Variants in DICER1 observed in about 807,000 individuals in gnomAD.
DICER1 encodes the protein endoribonuclease Dicer.
Under a neutral mutation model 194.1 loss-of-function variants are expected in DICER1, and 43 were observed. That is an observed-to-expected ratio of 0.22 (90% CI 0.17 to 0.29). The LOEUF (loss-of-function observed/expected upper bound fraction) is 0.29, where lower values mean the gene tolerates loss of function less well. Ranked by LOEUF, DICER1 falls within the 10% of genes least tolerant of loss-of-function variation. DICER1 has a pLI of 1.00. For synonymous variants in DICER1, 832 were observed against 820.5 expected (o/e 1.01, Z -0.24); for missense variants, 1,608 against 2,317.0 (o/e 0.69, Z 6.28).
intron 8 of DICER1, among the ~76,000 whole-genome samples, chr14:95,119,553 T>C (rs1423260903): frequency 6.6e-6 from 1 of 152,136 alleles, no homozygotes; most frequent in Non-Finnish European, 1.5e-5. Flanking sequence ...GCTTAAAGAG[T>C]TTGTAACACC....
In DICER1 at chr14:95,107,680, C is replaced by G; in HGVS notation, c.2732G>C (p.Ser911Thr). Reference sequence around the variant, plus strand: ...GGGTGTTTCTTTTGTATACTTTGTACTGGGAATGCCTATGCGAGCTTCAGA... The same window carrying G: ...GGGTGTTTCTTTTGTATACTTTGTAGTGGGAATGCCTATGCGAGCTTCAGA... ...EKSEARIGIP[S>T]TKYTKETPFV... Residue 911 changes from serine (S) to threonine (T), a missense_variant, in exon 17 of 27, where the codon AGT becomes ACT. By Grantham distance (58) the Ser-to-Thr change is moderately conservative. Coordinates refer to ENST00000343455, the MANE Select transcript of DICER1 (RefSeq NM_177438.3). 1 of 1,612,684 alleles carries G rather than the reference C, an allele frequency of 6.2e-7. No individual in the cohort carries two copies. The highest frequency in any genetic ancestry group is 2.2e-5 in the East Asian group (1 of 44,826).
chr14:95,153,962 G>A (rs774796640), intron 1 of DICER1, among the ~76,000 whole-genome samples: 2 of 152,184 alleles, frequency 1.3e-5, no homozygotes, highest in Non-Finnish European at 2.9e-5. Flanking sequence ...GAATAAGAGC[G>A]AGTATAATAC....
chr14:95,146,966 G>T (rs1895177077), intron 1 of DICER1, among the ~76,000 whole-genome samples: 1 of 152,148 alleles, frequency 6.6e-6, no homozygotes, highest in Non-Finnish European at 1.5e-5. Flanking sequence ...GGAAAAGGAA[G>T]AGAGGAAGGA....
chr14:95,146,460 A>T (rs1050128860), intron 1 of DICER1, among the ~76,000 whole-genome samples: 35 of 152,140 alleles, frequency 2.3e-4, no homozygotes, highest in Non-Finnish European at 5.1e-4. Context: ...ACCCAGCCAC[A>T]CTGGGGGAAA....
chr14:95,091,100 G>T lies in DICER1; in HGVS notation c.5537C>A (p.Ser1846Tyr), dbSNP rs1889766732. 1 of 1,613,970 alleles carries T rather than the reference G, an allele frequency of 6.2e-7. No homozygotes were observed. Residue 1846 changes from serine to tyrosine, a missense_variant, in exon 26 of 27, where the codon TCT becomes TAT. Physicochemically the swap from Ser to Tyr is moderately radical, Grantham distance 144. This residue lies in a region of DICER1 where 138 missense variants were observed against 298.3 expected (regional missense o/e 0.46). Transcript: ENST00000343455. Reference protein sequence around the residue: ...PMMRPLIEKFSANVPRSPVRE... With the variant: ...PMMRPLIEKFYANVPRSPVRE... ...CACAGGGGAACGGGGTACATTTGCAGAAAACTTTTCTGCAATCAAAATGAA... is the reference window on the plus strand; with the variant it reads ...CACAGGGGAACGGGGTACATTTGCATAAAACTTTTCTGCAATCAAAATGAA...
intron 17 of DICER1, among the ~76,000 whole-genome samples, chr14:95,106,563 T>C (rs1447939644): frequency 1.3e-5 from 2 of 152,116 alleles, no homozygotes; most frequent in African/African-American, 2.4e-5. Context: ...ACTTTGTATA[T>C]TACTAATGCT....
At position 95,131,553 on chromosome 14, in the gene DICER1, A is replaced by C; in HGVS notation, c.394T>G (p.Ser132Ala). The C allele has an allele frequency of 1.9e-6, 3 of 1,613,648 alleles. No individual in the cohort carries two copies. The highest frequency in any genetic ancestry group is 1.1e-5 in the South Asian group (1 of 91,072). The part of the protein sequence containing the change: ...GEYSNLEVNA[S>A]WTKERWNQEF... ...TGGTTCCATCTCTCTTTTGTCCAAGATGCATTTACTTCTAGGTTTGAGTAT... is the reference window on the plus strand; with the variant it reads ...TGGTTCCATCTCTCTTTTGTCCAAGCTGCATTTACTTCTAGGTTTGAGTAT... Residue 132 changes from serine (S) to alanine (A), a missense_variant, in exon 4 of 27, where the codon TCT becomes GCT. Coordinates refer to ENST00000343455, the MANE Select transcript of DICER1 (RefSeq NM_177438.3).
chr14:95,144,020 T>C (rs1342793289), intron 1 of DICER1, among the ~76,000 whole-genome samples: 2 of 152,174 alleles, frequency 1.3e-5, no homozygotes, highest in African/African-American at 2.4e-5. Flanking sequence ...TCCAAGTTGT[T>C]TGAAAACAAC....
intron 1 of DICER1, among the ~76,000 whole-genome samples, chr14:95,140,480 T>G (rs1311925011): frequency 6.6e-6 from 1 of 152,160 alleles, no homozygotes; most frequent in East Asian, 1.9e-4. Flanking sequence ...GGCTATACCA[T>G]GTAGGTTTAT....
chr14:95,103,304 A>G (rs1451112216), intron 21 of DICER1, 42 bp downstream of exon 21: 1 of 1,591,194 alleles, frequency 6.3e-7, no homozygotes, highest in Non-Finnish European at 8.6e-7. Flanking sequence ...TTTCAGGCAC[A>G]CTGAATAATT....
At chr14:95,104,188 A>G in intron 20 of DICER1, 62 bp from the exon 21 acceptor site, 1 of 1,358,930 alleles carries the variant, frequency 7.4e-7, no homozygotes, top group Non-Finnish European at 1.0e-6. Flanking sequence ...TGAGAGCAAC[A>G]GCAATTTGAA....
At chr14:95,153,074 G>A (rs545030571) in intron 1 of DICER1, among the ~76,000 whole-genome samples, 1 of 152,250 alleles carries the variant, frequency 6.6e-6, no homozygotes, top group African/African-American at 2.4e-5. Context: ...AAAATTAGCA[G>A]GGTGTGGTGG....
chr14:95,121,096 G>A (rs1413860351), intron 8 of DICER1, among the ~76,000 whole-genome samples: 6 of 152,152 alleles, frequency 3.9e-5, no homozygotes, highest in Admixed American at 3.3e-4. Context: ...TTCCATATCC[G>A]ATCACCCCAG....
chr14:95,126,248 A>T (rs1197330458), intron 7 of DICER1, among the ~76,000 whole-genome samples: 1 of 152,204 alleles, frequency 6.6e-6, no homozygotes, highest in African/African-American at 2.4e-5. Context: ...GAAACTGCGG[A>T]AGAATTTGTT....
chr14:95,107,862 A>C lies in DICER1; in HGVS notation c.2650+18T>G, dbSNP rs1247461223. 1 of 1,610,924 alleles carries C rather than the reference A, an allele frequency of 6.2e-7. No individual in the cohort carries two copies. The highest frequency in any genetic ancestry group is 1.7e-5 in the Admixed American group (1 of 59,996). On this transcript the variant is annotated intron_variant, in intron 16 of 26. Transcript: ENST00000343455. Reference sequence around the variant, plus strand: ...TATATGTGTCTAGAGTTATCAAAGTAAGAGATTTTTTTCTTACCAACATTA... The same window carrying C: ...TATATGTGTCTAGAGTTATCAAAGTCAGAGATTTTTTTCTTACCAACATTA...
In DICER1 at chr14:95,088,731, C is replaced by T. The variant is rs1889535917; in HGVS notation, c.*1767G>A. 1 of 232,984 alleles carries T rather than the reference C, an allele frequency of 4.3e-6. No individual in the cohort carries two copies. Among genetic ancestry groups the T allele is most frequent in the Admixed American group, 5.6e-5 (1 of 17,772 alleles). The allele number at this position is 232,984 out of a possible 1,614,324, so 14.4% of individuals were successfully genotyped here. A position where few individuals can be genotyped will look rare whatever the true frequency, so the allele number is the denominator to read the frequency against. On this transcript the variant is annotated 3_prime_UTR_variant, in exon 27 of 27. Coordinates refer to ENST00000343455, the MANE Select transcript of DICER1 (RefSeq NM_177438.3). ...GGAGAAGCTTAATACCCCCCTCACT[C>T]AGGGTTCCTTAGAAAGCAGAGCTGA...
rs760246677 is a variant in DICER1 at position 95,087,803 on chromosome 14, C to G, written c.*2695G>C. ...ACACGCCTCCCCAGTCCTTTACACA[C>G]GTGCTCAGGGCACAACCACACCCCA... On this transcript the variant is annotated 3_prime_UTR_variant, in exon 27 of 27. Coordinates refer to ENST00000343455, the MANE Select transcript of DICER1 (RefSeq NM_177438.3). 4.3e-6 allele frequency: 1 copy of G among 233,134 alleles called. No homozygotes were observed. The allele number at this position is 233,134 out of a possible 1,614,324, so 14.4% of individuals were successfully genotyped here.
In DICER1 at chr14:95,124,463, A is replaced by G. The variant is rs878855240; in HGVS notation, c.1109T>C (p.Leu370Pro). 2 of 1,614,034 alleles carry G rather than the reference A, an allele frequency of 1.2e-6. No homozygotes were observed. The highest frequency in any genetic ancestry group is 2.2e-5 in the East Asian group (1 of 44,892). The stretch of plus-strand genomic sequence containing the variant: ...GATTACTTTAGGAGTTACAAATTTC[A>G]GGTCAAGTGAGGCAGGTGAGAAGTG... ...EEHFSPASLDLKFVTPKVIKL... is the reference protein window; with the variant it reads ...EEHFSPASLDPKFVTPKVIKL... Residue 370 changes from leucine (L) to proline (P), a missense_variant, in exon 8 of 27, where the codon CTG becomes CCG. This residue lies in a region of DICER1 where 657 missense variants were observed against 910.1 expected (regional missense o/e 0.72). Transcript: ENST00000343455. This position sits in a 1 kb window ranked among gnomAD's most constrained non-coding sequence, Gnocchi z 4.5.
chr14:95,121,001 C>A (rs911288329), intron 8 of DICER1, among the ~76,000 whole-genome samples: 4 of 152,298 alleles, frequency 2.6e-5, no homozygotes, highest in South Asian at 2.1e-4. Flanking sequence ...TGAAGATGAA[C>A]ATGACGAGTG....
Sources: allele counts gnomAD v4.1 joint callset (sites outside exome capture counted in the v4.1 genomes callset), GRCh38; gene constraint gnomAD v4.1.1; regional missense constraint gnomAD v4.1.1; non-coding constraint Gnocchi (gnomAD v3.1); transcripts MANE v1.5; gene names NCBI Gene and HGNC (gene_info 2026-07-23, HGNC 2026-07-21).